The following SDK2 variants were observed in gnomAD, a reference collection of about 807,000 sequenced individuals.
The protein encoded by SDK2 is sidekick cell adhesion molecule 2.
Under a neutral mutation model 253.9 loss-of-function variants are expected in SDK2, and 105 were observed. The observed-to-expected ratio is 0.41, with a 90% CI of 0.35 to 0.49. SDK2 has a LOEUF of 0.49. Among genes scored for constraint, SDK2 ranks in the 20% least tolerant of loss-of-function variants. SDK2 has a pLI of 0.06. For synonymous variants in SDK2, 1,249 were observed against 1,234.9 expected (o/e 1.01, Z -0.24); for missense variants, 2,608 against 3,003.0 (o/e 0.87, Z 3.07).
chr17:73,412,514 C>A (rs1411244147), intron 18 of SDK2, among the ~76,000 whole-genome samples: 2 of 152,042 alleles, frequency 1.3e-5, no homozygotes, highest in Non-Finnish European at 2.9e-5. Context: ...ATTCTAACCC[C>A]TAGCACCCCA....
intron 1 of SDK2, among the ~76,000 whole-genome samples, chr17:73,584,762 G>A (rs866291434): frequency 4.6e-5 from 7 of 152,290 alleles, no homozygotes; most frequent in African/African-American, 1.4e-4. Context: ...CATCTTAATG[G>A]GGTCTCCCAG....
chr17:73,644,211 C>G lies in SDK2; in HGVS notation c.-123G>C, dbSNP rs536972771. 2 of 786,498 alleles carry G rather than the reference C, an allele frequency of 2.5e-6. No individual in the cohort carries two copies. The highest frequency in any genetic ancestry group is 3.4e-5 in the African/African-American group (2 of 58,350). The allele number at this position is 786,498 out of a possible 1,614,324, so 48.7% of individuals were successfully genotyped here. ...AACAGTCAGTCTACGCGGCTCCGTGCCCCGGGGTGTAATATGCCCGGGAGG... is the reference window on the plus strand; with the variant it reads ...AACAGTCAGTCTACGCGGCTCCGTGGCCCGGGGTGTAATATGCCCGGGAGG... On this transcript the variant is annotated 5_prime_UTR_variant, in exon 1 of 45. Coordinates refer to ENST00000392650, the MANE Select transcript of SDK2 (RefSeq NM_001144952.2). The surrounding 1 kb of genome is among the most constrained non-coding windows in gnomAD (Gnocchi z 6.3).
Position 73,388,994 on chromosome 17 carries a change from C to T in SDK2, c.4193-957G>A, listed in dbSNP as rs1276403562. ...CCCTTCCCTTCCCCTTCCCCTTCCC[C>T]TCCTTCCTTTTTCTTTCGTTATTTA... On this transcript the variant is annotated intron_variant, in intron 29 of 44. Transcript: ENST00000392650. 2.2e-5 allele frequency among the ~76,000 whole-genome samples: 3 copies of T among 135,248 alleles called. No homozygotes were observed. The South Asian group carries it at 8.1e-4, about 36-fold the overall frequency. 88.7% of individuals were successfully genotyped at this position (135,248 alleles called of 152,430 possible).
intron 4 of SDK2, among the ~76,000 whole-genome samples, chr17:73,451,773 G>C (rs901361337): frequency 1.3e-5 from 2 of 152,150 alleles, no homozygotes; most frequent in African/African-American, 4.8e-5. Flanking sequence ...CCATCTCGTT[G>C]ATAGACATTC....
chr17:73,402,190 G>A (rs1400557836), intron 18 of SDK2, 49 bp from the exon 19 acceptor site: 1 of 1,576,396 alleles, frequency 6.3e-7, no homozygotes, highest in Admixed American at 1.7e-5. Context: ...GGTTCCAGAG[G>A]AGGCCAAGCC....
chr17:73,461,933 T>TTGTG (rs111635739), intron 3 of SDK2, among the ~76,000 whole-genome samples: 4,011 of 152,000 alleles, frequency 0.026, 169 homozygotes, highest in African/African-American at 0.087. Flanking sequence ...GAATGGATGG[T>TTGTG]TGTATGTATG....
chr17:73,356,512 C>T (rs1414210294), intron 40 of SDK2, among the ~76,000 whole-genome samples: 1 of 152,166 alleles, frequency 6.6e-6, no homozygotes, highest in African/African-American at 2.4e-5. Context: ...TTTATCCTGC[C>T]TAGCACGAAG....
At chr17:73,503,052 T>C (rs909905615) in intron 2 of SDK2, among the ~76,000 whole-genome samples, 3 of 152,214 alleles carry the variant, frequency 2.0e-5, no homozygotes, top group African/African-American at 4.8e-5. Context: ...CAAACCCACA[T>C]TGAGGGAAAT....
At chr17:73,382,418 C>A (rs571760540) in intron 33 of SDK2, among the ~76,000 whole-genome samples, 7 of 152,258 alleles carry the variant, frequency 4.6e-5, no homozygotes, top group African/African-American at 1.7e-4. Flanking sequence ...ATAAAAATCT[C>A]TAGTGGTCTG....
intron 18 of SDK2, among the ~76,000 whole-genome samples, chr17:73,410,250 T>G (rs1177150965): frequency 6.6e-6 from 1 of 152,214 alleles, no homozygotes; most frequent in East Asian, 1.9e-4. Context: ...ACAAGTAACT[T>G]CCCTCTGGTG....
chr17:73,625,178 G>C (rs2046185577), intron 1 of SDK2, among the ~76,000 whole-genome samples: 1 of 152,172 alleles, frequency 6.6e-6, no homozygotes, highest in Admixed American at 6.5e-5. Context: ...GAGGCAGAGA[G>C]AGCAGTGCAT....
intron 22 of SDK2, 84 bp downstream of exon 22, chr17:73,399,084 G>A: frequency 2.1e-6 from 3 of 1,420,586 alleles, no homozygotes; most frequent in Non-Finnish European, 2.9e-6. Flanking sequence ...AATTCACACA[G>A]GCCGAAATAC....
At chr17:73,635,928 A>G (rs1426789356) in intron 1 of SDK2, among the ~76,000 whole-genome samples, 2 of 152,194 alleles carry the variant, frequency 1.3e-5, no homozygotes, top group African/African-American at 4.8e-5. Flanking sequence ...GGACACAGCC[A>G]GGGTGGAGGC....
intron 2 of SDK2, among the ~76,000 whole-genome samples, chr17:73,473,114 A>G (rs1053967937): frequency 2.0e-5 from 3 of 152,200 alleles, no homozygotes; most frequent in African/African-American, 7.2e-5. Flanking sequence ...GAATAAGACA[A>G]GCTAGTGTTC....
intron 1 of SDK2, among the ~76,000 whole-genome samples, chr17:73,552,849 G>A (rs1020172430): frequency 6.6e-6 from 1 of 152,230 alleles, no homozygotes; most frequent in African/African-American, 2.4e-5. Context: ...TGCACTCTAA[G>A]CCCTCTCCTT....
chr17:73,438,260 T>C (rs1305577089), intron 6 of SDK2, 106 bp from the exon 7 acceptor site: 3 of 1,071,978 alleles, frequency 2.8e-6, no homozygotes, highest in Admixed American at 2.7e-5. Flanking sequence ...CCGGGCTGCC[T>C]GGGTTTGCCA....
At chr17:73,436,896 A>C (rs1447892198) in intron 8 of SDK2, among the ~76,000 whole-genome samples, 3 of 152,136 alleles carry the variant, frequency 2.0e-5, no homozygotes, top group Non-Finnish European at 4.4e-5. Context: ...AGATGAAATA[A>C]GTTCTCTTTA....
rs1022937856 is a variant in SDK2, at chr17:73,455,105, T to C, written c.479+801A>G. On this transcript the variant is annotated intron_variant, in intron 4 of 44. Transcript: ENST00000392650. The surrounding 1 kb of genome is among the most constrained non-coding windows in gnomAD (Gnocchi z 5.0). ...AGGAACCATCCATCTACGCCTCCACTCTCTACAGAGACCAGGACAGGCTCA... is the reference window on the plus strand; with the variant it reads ...AGGAACCATCCATCTACGCCTCCACCCTCTACAGAGACCAGGACAGGCTCA... Among the ~76,000 whole-genome samples, 3 of 152,046 alleles carry C rather than the reference T, an allele frequency of 2.0e-5. No homozygotes were observed. Among genetic ancestry groups the C allele is most frequent in the Admixed American group, 2.0e-4 (3 of 15,266 alleles).
intron 5 of SDK2, among the ~76,000 whole-genome samples, chr17:73,445,107 G>A (rs1049660502): frequency 5.3e-5 from 8 of 152,126 alleles, no homozygotes; most frequent in African/African-American, 1.7e-4. Context: ...TACAGATCAC[G>A]TATTTCGGGT....
Sources: allele counts gnomAD v4.1 joint callset (sites outside exome capture counted in the v4.1 genomes callset), GRCh38; gene constraint gnomAD v4.1.1; non-coding constraint Gnocchi (gnomAD v3.1); transcripts MANE v1.5; gene names NCBI Gene and HGNC (gene_info 2026-07-23, HGNC 2026-07-21).